Variants in PPP2R5E observed in about 807,000 individuals in gnomAD.
PPP2R5E encodes serine/threonine-protein phosphatase 2A 56 kDa regulatory subunit epsilon isoform.
In PPP2R5E, 4 loss-of-function variants were observed where a neutral mutation model predicts 65.3. That is an observed-to-expected ratio of 0.06 (90% CI 0.03 to 0.14). The LOEUF is 0.14. PPP2R5E is among the 10% of genes least tolerant of loss of function. PPP2R5E has a pLI of 1.00. For missense variants in PPP2R5E, 274 were observed against 556.1 expected, an observed-to-expected ratio of 0.49 and a Z score of 5.10; for synonymous variants, 183 against 187.4, an observed-to-expected ratio of 0.98 and a Z score of 0.19.
chr14:63,539,468 T>C (rs1329546958), intron 2 of PPP2R5E, 61 bp downstream of exon 2: 6 of 1,521,860 alleles, frequency 3.9e-6, no homozygotes, highest in Non-Finnish European at 5.3e-6. Context: ...AAAAAGGAAA[T>C]TATATATAGA....
intron 3 of PPP2R5E, among the ~76,000 whole-genome samples, chr14:63,428,399 C>A (rs1374127207): frequency 6.6e-6 from 1 of 152,156 alleles, no homozygotes; most frequent in African/African-American, 2.4e-5. Context: ...TAAGTTCGTC[C>A]CATGCAATAT....
chr14:63,406,068 AAAC>A (rs1886064320), intron 5 of PPP2R5E, among the ~76,000 whole-genome samples: 1 of 152,232 alleles, frequency 6.6e-6, no homozygotes, highest in South Asian at 2.1e-4. Flanking sequence ...CTAGAATAAA[AAAC>A]AACAAAACCC....
intron 2 of PPP2R5E, among the ~76,000 whole-genome samples, chr14:63,471,855 G>C (rs1228169525): frequency 6.6e-6 from 1 of 152,098 alleles, no homozygotes; most frequent in Non-Finnish European, 1.5e-5. Context: ...CATCTGGAAG[G>C]GTTAATCTTC....
intron 3 of PPP2R5E, among the ~76,000 whole-genome samples, chr14:63,438,507 C>T (rs1182164836): frequency 2.0e-5 from 3 of 152,158 alleles, no homozygotes; most frequent in Admixed American, 6.5e-5. Flanking sequence ...GAAACCAAAA[C>T]TTGAATGCAG....
chr14:63,412,503 T>A (rs544598069), intron 5 of PPP2R5E, among the ~76,000 whole-genome samples: 2 of 152,188 alleles, frequency 1.3e-5, no homozygotes, highest in Non-Finnish European at 2.9e-5. Context: ...ATAGATGTCA[T>A]ATTAGAGGAC....
At chr14:63,508,125 A>T in intron 2 of PPP2R5E, 1 of 984,436 alleles carries the variant, frequency 1.0e-6, no homozygotes, top group Non-Finnish European at 1.2e-6. Flanking sequence ...TTCTACACAC[A>T]CGAGTGTTCT....
intron 2 of PPP2R5E, among the ~76,000 whole-genome samples, chr14:63,467,602 G>A (rs1889901702): frequency 6.6e-6 from 1 of 152,140 alleles, no homozygotes; most frequent in South Asian, 2.1e-4. Context: ...TTAAAACTAA[G>A]CTCGGCAACT....
chr14:63,451,949 G>A (rs1345941463), intron 3 of PPP2R5E: 2 of 152,158 alleles, frequency 1.3e-5, no homozygotes, highest in Non-Finnish European at 2.9e-5. Flanking sequence ...GCAAACTGAT[G>A]TGTGTATAAG....
At chr14:63,417,786 G>A (rs1480951109) in intron 4 of PPP2R5E, among the ~76,000 whole-genome samples, 2 of 152,120 alleles carry the variant, frequency 1.3e-5, no homozygotes, top group African/African-American at 2.4e-5. Context: ...CTTGATTCTC[G>A]TTAAGGTAGC....
At chr14:63,488,656 G>A (rs1309436785) in intron 2 of PPP2R5E, among the ~76,000 whole-genome samples, 1 of 151,828 alleles carries the variant, frequency 6.6e-6, no homozygotes, top group African/African-American at 2.4e-5. Context: ...TGAGACCAGC[G>A]TGGCCAACAT....
intron 2 of PPP2R5E, among the ~76,000 whole-genome samples, chr14:63,458,678 T>C (rs567601866): frequency 7.2e-5 from 11 of 152,290 alleles, no homozygotes; most frequent in Admixed American, 2.0e-4. Flanking sequence ...ACTATTGAAA[T>C]GTATGTGGAA....
intron 8 of PPP2R5E, 64 bp downstream of exon 8, chr14:63,393,756 C>CA (rs1340874035): frequency 6.9e-6 from 8 of 1,165,452 alleles, no homozygotes; most frequent in Non-Finnish European, 8.7e-6. Context: ...ATATCAATAT[C>CA]AAAAAAACGA....
In PPP2R5E at chr14:63,381,913, T is replaced by C. The variant is rs532308241; in HGVS notation, c.1304+143A>G. On this transcript the variant is annotated intron_variant, in intron 13 of 13. Coordinates refer to ENST00000337537, the MANE Select transcript of PPP2R5E (RefSeq NM_006246.5). ...GCCTAAGGATGCATTTCTCAGAACA[T>C]ATACTGGTTGTTAAGTAATGCATGA... 4.3e-5 allele frequency: 26 copies of C among 606,446 alleles called. No homozygotes were observed. The South Asian group carries it at 5.2e-4, about 12-fold the overall frequency. 37.6% of individuals were successfully genotyped at this position (606,446 alleles called of 1,614,324 possible).
At chr14:63,389,426 G>A (rs769771015) in intron 11 of PPP2R5E, among the ~76,000 whole-genome samples, 186 bp downstream of exon 11, 1 of 151,964 alleles carries the variant, frequency 6.6e-6, no homozygotes, top group Non-Finnish European at 1.5e-5. Context: ...TGGAGAGAAA[G>A]CACCATTACT....
At chr14:63,418,639 G>C (rs1469098347) in intron 4 of PPP2R5E, among the ~76,000 whole-genome samples, 2 of 148,774 alleles carry the variant, frequency 1.3e-5, no homozygotes, top group African/African-American at 5.1e-5. Context: ...AATTGTAAAT[G>C]AAAGTCCTAT....
In PPP2R5E at chr14:63,375,786, G is replaced by C; in HGVS notation, c.*223C>G. On this transcript the variant is annotated 3_prime_UTR_variant, in exon 14 of 14. Coordinates refer to ENST00000337537, the MANE Select transcript of PPP2R5E (RefSeq NM_006246.5). ...AAAAGAGGGTGAGAACAATGATTAT[G>C]TTTGCAAAGTTCTGAGAAGTCCATC... is the stretch of plus-strand genomic sequence containing the variant. 5.9e-6 allele frequency: 2 copies of C among 338,496 alleles called. No individual in the cohort carries two copies. The highest frequency in any genetic ancestry group is 1.1e-5 in the Non-Finnish European group (2 of 187,454). The allele number at this position is 338,496 out of a possible 1,614,324, so 21.0% of individuals were successfully genotyped here. A position where few individuals can be genotyped will look rare whatever the true frequency, so the allele number is the denominator to read the frequency against.
intron 4 of PPP2R5E, among the ~76,000 whole-genome samples, chr14:63,420,084 G>T (rs1886919426): frequency 6.6e-6 from 1 of 152,124 alleles, no homozygotes; most frequent in Non-Finnish European, 1.5e-5. Flanking sequence ...GGAAATTTAT[G>T]TCTATGGTTA....
At chr14:63,441,737 C>G (rs1888248587) in intron 3 of PPP2R5E, among the ~76,000 whole-genome samples, 1 of 152,022 alleles carries the variant, frequency 6.6e-6, no homozygotes, top group Non-Finnish European at 1.5e-5. Context: ...TGGTGAAACA[C>G]CGTCTCTACT....
At chr14:63,426,397 G>A in intron 3 of PPP2R5E, among the ~76,000 whole-genome samples, 1 of 149,346 alleles carries the variant, frequency 6.7e-6, no homozygotes, top group South Asian at 2.1e-4. Context: ...AAAGATGATG[G>A]CTATATGGGA....
Sources: gnomAD v4.1 joint callset for allele counts (sites outside exome capture counted in the v4.1 genomes callset) on GRCh38, gnomAD v4.1.1 for gene constraint, MANE v1.5 for transcripts, NCBI Gene and HGNC (gene_info 2026-07-23, HGNC 2026-07-21) for gene names.